Variants in NCAM1 observed in about 807,000 individuals in gnomAD.
NCAM1 encodes the protein antigen recognized by monoclonal antibody 5.1H11.
Under a neutral mutation model 109.8 loss-of-function variants are expected in NCAM1, and 14 were observed. The observed-to-expected ratio is 0.13, with a 90% CI of 0.08 to 0.20. NCAM1 has a LOEUF of 0.20. NCAM1 is among the 10% of genes least tolerant of loss of function. The pLI is 1.00. For synonymous variants in NCAM1, 418 were observed against 442.9 expected (o/e 0.94, Z 0.70); for missense variants, 774 against 1,109.9 (o/e 0.70, Z 4.30).
At chr11:112,998,826 C>T (rs193051786) in intron 1 of NCAM1, among the ~76,000 whole-genome samples, 33 of 152,260 alleles carry the variant, frequency 2.2e-4, no homozygotes, top group African/African-American at 7.7e-4. Flanking sequence ...ACATTACTTT[C>T]AGGGGAATTT....
At chr11:113,078,191 G>A (rs1370243732) in intron 1 of NCAM1, among the ~76,000 whole-genome samples, 2 of 152,056 alleles carry the variant, frequency 1.3e-5, no homozygotes, top group African/African-American at 4.8e-5. Context: ...TTCTTCCAGC[G>A]TCTGATGGCT....
intron 1 of NCAM1, among the ~76,000 whole-genome samples, chr11:112,964,166 G>C (rs1181259815): frequency 5.2e-5 from 1 of 19,308 alleles, no homozygotes; most frequent in Admixed American, 4.0e-4. Context: ...TTTTTTTTTT[G>C]GACTCAAATG....
At chr11:112,978,566 T>C (rs17583142) in intron 1 of NCAM1, among the ~76,000 whole-genome samples, 20,741 of 151,796 alleles carry the variant, frequency 0.14, 1,783 homozygotes, top group South Asian at 0.4. Context: ...TCTTCTATGG[T>C]AAAACACTCT....
At chr11:113,077,184 A>C (rs868942206) in intron 1 of NCAM1, among the ~76,000 whole-genome samples, 55 of 152,236 alleles carry the variant, frequency 3.6e-4, no homozygotes, top group African/African-American at 1.2e-3. Context: ...CAATGACAAA[A>C]CTGCATGATT....
chr11:113,231,533 G>A (rs1591440822), intron 9 of NCAM1, 112 bp from the exon 10 acceptor site: 17 of 1,127,216 alleles, frequency 1.5e-5, no homozygotes, highest in South Asian at 7.6e-5. Context: ...GAAGTGAGAC[G>A]GGTCACAGAC....
At chr11:113,116,418 C>T (rs1361393621) in intron 1 of NCAM1, among the ~76,000 whole-genome samples, 1 of 152,190 alleles carries the variant, frequency 6.6e-6, no homozygotes, top group African/African-American at 2.4e-5. Flanking sequence ...CATCACAACA[C>T]TGCAAAGCCG....
At chr11:113,150,229 T>C (rs1318685613) in intron 1 of NCAM1, among the ~76,000 whole-genome samples, 1 of 141,546 alleles carries the variant, frequency 7.1e-6, no homozygotes, top group African/African-American at 2.5e-5. Context: ...GTAAAGAATA[T>C]TAATTAATAT....
At chr11:113,018,969 G>T (rs368850489) in intron 1 of NCAM1, among the ~76,000 whole-genome samples, 4 of 152,048 alleles carry the variant, frequency 2.6e-5, no homozygotes, top group Admixed American at 2.6e-4. Context: ...AGAGAGTTAA[G>T]TTTCTAATTT....
rs371045627 is a variant in NCAM1, at chr11:113,147,498, G to C, written c.53-54881G>C. Among the ~76,000 whole-genome samples, 73 of 152,360 alleles carry C rather than the reference G, an allele frequency of 4.8e-4. 1 individual carries two copies. In the South Asian group the frequency reaches 7.2e-3, roughly 15 times the overall value. ...ACTGCCAGAGGGTTCTGGAGGCTTT[G>C]AGTTTTCCGCTGATGGTTCCTCTTC... On this transcript the variant is annotated intron_variant, in intron 1 of 19. Transcript: ENST00000316851.
chr11:113,168,503 C>T (rs898529548), intron 1 of NCAM1, among the ~76,000 whole-genome samples: 1 of 152,162 alleles, frequency 6.6e-6, no homozygotes, highest in South Asian at 2.1e-4. Context: ...AGAAGGGCAG[C>T]GTGTGTCCTC....
chr11:113,125,600 G>C (rs998089802), intron 1 of NCAM1, among the ~76,000 whole-genome samples: 4 of 152,288 alleles, frequency 2.6e-5, no homozygotes, highest in Middle Eastern at 6.8e-3. Context: ...TACTACATTA[G>C]TCTAGAAACC....
chr11:113,006,316 G>A (rs1951893113), intron 1 of NCAM1, among the ~76,000 whole-genome samples: 1 of 152,056 alleles, frequency 6.6e-6, no homozygotes, highest in Admixed American at 6.6e-5. Flanking sequence ...TGTGGTAAGG[G>A]GAATCCTACA....
At chr11:113,070,616 C>T (rs1938217057) in intron 1 of NCAM1, among the ~76,000 whole-genome samples, 1 of 152,010 alleles carries the variant, frequency 6.6e-6, no homozygotes, top group African/African-American at 2.4e-5. Context: ...AGAAGTATAC[C>T]TTAAAGAGAA....
intron 2 of NCAM1, among the ~76,000 whole-genome samples, 177 bp from the exon 3 acceptor site, chr11:113,204,109 G>T (rs542062208): frequency 6.6e-6 from 1 of 152,294 alleles, no homozygotes; most frequent in African/African-American, 2.4e-5. Flanking sequence ...ATAGTTAAAT[G>T]CAGAGGCCAA....
At chr11:113,045,980 G>A (rs1298504288) in intron 1 of NCAM1, among the ~76,000 whole-genome samples, 1 of 152,072 alleles carries the variant, frequency 6.6e-6, no homozygotes, top group African/African-American at 2.4e-5. Context: ...TAAATGATGA[G>A]AAAAAGATGA....
At chr11:113,221,062 T>C (rs1944678818) in intron 8 of NCAM1, among the ~76,000 whole-genome samples, 1 of 152,218 alleles carries the variant, frequency 6.6e-6, no homozygotes. Flanking sequence ...TAGGAAAACC[T>C]GAACCTTTTG....
chr11:113,084,420 G>A (rs1183902609), intron 1 of NCAM1, among the ~76,000 whole-genome samples: 10 of 152,212 alleles, frequency 6.6e-5, no homozygotes, highest in Non-Finnish European at 1.0e-4. Context: ...AAGTAAGAGT[G>A]AAATCATATT....
At chr11:113,052,987 G>T (rs1335474027) in intron 1 of NCAM1, among the ~76,000 whole-genome samples, 4 of 152,076 alleles carry the variant, frequency 2.6e-5, no homozygotes, top group Non-Finnish European at 5.9e-5. Flanking sequence ...ATTTCCTAGG[G>T]CTCCCCTGCC....
At chr11:113,134,064 A>G (rs1941510053) in intron 1 of NCAM1, 1 of 152,236 alleles carries the variant, frequency 6.6e-6, no homozygotes, top group East Asian at 1.9e-4. Context: ...TATTTTAACA[A>G]TGTTGTGAAA....
Sources: allele counts gnomAD v4.1 joint callset (sites outside exome capture counted in the v4.1 genomes callset), GRCh38; gene constraint gnomAD v4.1.1; transcripts MANE v1.5; gene names NCBI Gene and HGNC (gene_info 2026-07-23, HGNC 2026-07-21).